BCAT1: variants seen among roughly 807,000 people sequenced by gnomAD.
BCAT1 encodes the protein branched chain amino acid transaminase 1, also known as branched-chain-amino-acid aminotransferase, cytosolic.
BCAT1 carries 48 observed loss-of-function variants against 52.4 expected under a neutral mutation model. The ratio of observed to expected loss-of-function variants is 0.92; its 90% CI spans 0.73 to 1.16. The LOEUF is 1.16. BCAT1 is among the 50% of genes most tolerant of loss of function. The pLI is 0.00. For missense variants in BCAT1, 451 were observed against 457.1 expected, an observed-to-expected ratio of 0.99 and a Z score of 0.12; for synonymous variants, 167 against 161.3, an observed-to-expected ratio of 1.04 and a Z score of -0.27.
rs886781691 is a variant in BCAT1, at chr12:24,816,365, C to T, written c.*1643G>A. The stretch of plus-strand genomic sequence containing the variant: ...ACTGAGGGAAACCAAAATACAATGT[C>T]TGAGAGTTGACCTTCCAAGGAAAAA... On this transcript the variant is annotated 3_prime_UTR_variant, in exon 11 of 11. Transcript: ENST00000261192. 5.1e-6 allele frequency: 2 copies of T among 395,932 alleles called. No homozygotes were observed. The highest frequency in any genetic ancestry group is 8.9e-6 in the Non-Finnish European group (2 of 224,826). 24.5% of individuals were successfully genotyped at this position (395,932 alleles called of 1,614,324 possible).
intron 8 of BCAT1, 29 bp downstream of exon 8, chr12:24,836,482 C>G: frequency 1.9e-6 from 3 of 1,569,858 alleles, no homozygotes; most frequent in Non-Finnish European, 2.6e-6. Context: ...TTCAGGCTTA[C>G]AAAAGTTGTT....
chr12:24,915,290 T>C (rs1027917025), intron 1 of BCAT1, among the ~76,000 whole-genome samples: 2 of 152,046 alleles, frequency 1.3e-5, no homozygotes, highest in Non-Finnish European at 2.9e-5. Flanking sequence ...TTCTGTGATA[T>C]ATACAGAAAT....
chr12:24,882,593 A>ATT (rs199578257), intron 3 of BCAT1, among the ~76,000 whole-genome samples: 9 of 144,866 alleles, frequency 6.2e-5, no homozygotes, highest in African/African-American at 2.3e-4. Context: ...ATTTTTTATT[A>ATT]TTTATTTTTT....
In BCAT1 at chr12:24,832,843, C is replaced by T. The variant is rs1322384782; in HGVS notation, c.924G>A (p.Glu308=). 1.4e-5 allele frequency: 23 copies of T among 1,611,128 alleles called. No homozygotes were observed. The highest frequency in any genetic ancestry group is 1.7e-5 in the Non-Finnish European group (20 of 1,178,850). Reference sequence around the variant, plus strand: ...TCAAGTCATCCATGGTGAGGTATCTCTCTGACACCTTAAATTCACCCTGCA... The same window carrying T: ...TCAAGTCATCCATGGTGAGGTATCTTTCTGACACCTTAAATTCACCCTGCA... The part of the protein sequence containing the change: ...AHQWGEFKVS[E]RYLTMDDLTT... Residue 308 remains glutamate, a synonymous_variant, in exon 9 of 11, where the codon GAG becomes GAA. Coordinates refer to ENST00000261192, the MANE Select transcript of BCAT1 (RefSeq NM_005504.7).
Position 24,810,388 on chromosome 12 carries a change from CA to C in BCAT1, c.*7619del, listed in dbSNP as rs1260732805. ...CTTAAATCACACTGAATCAGCTTAG[CA>C]GAAAAATAATTATAAAATTTGAAAT... On this transcript the variant is annotated 3_prime_UTR_variant, in exon 11 of 11. Coordinates refer to ENST00000261192, the MANE Select transcript of BCAT1 (RefSeq NM_005504.7). The C allele has an allele frequency of 6.6e-6, 1 of 152,128 alleles. No homozygotes were observed. Among genetic ancestry groups the C allele is most frequent in the Non-Finnish European group, 1.5e-5 (1 of 68,018 alleles). 9.4% of individuals were successfully genotyped at this position (152,128 alleles called of 1,614,324 possible). A position where few individuals can be genotyped will look rare whatever the true frequency, so the allele number is the denominator to read the frequency against.
chr12:24,894,172 T>C (rs1942905688), intron 3 of BCAT1, 103 bp downstream of exon 3: 4 of 1,114,488 alleles, frequency 3.6e-6, no homozygotes, highest in African/African-American at 1.6e-5. Flanking sequence ...CTGGTAAATA[T>C]GATAAAGCCC....
intron 1 of BCAT1, among the ~76,000 whole-genome samples, chr12:24,922,228 G>A (rs556039227): frequency 4.6e-5 from 7 of 152,232 alleles, no homozygotes; most frequent in African/African-American, 1.7e-4. Flanking sequence ...TGATAGACGT[G>A]ATCATAGCGT....
chr12:24,895,387 G>C (rs533767080), intron 2 of BCAT1, among the ~76,000 whole-genome samples: 2 of 152,156 alleles, frequency 1.3e-5, no homozygotes, highest in East Asian at 3.9e-4. Context: ...TTAGCCAGGC[G>C]TGGTGGCATG....
intron 5 of BCAT1, among the ~76,000 whole-genome samples, chr12:24,870,287 T>C (rs1942145616): frequency 6.6e-6 from 1 of 152,226 alleles, no homozygotes; most frequent in South Asian, 2.1e-4. Flanking sequence ...TTATATGATA[T>C]ATATACATGT....
chr12:24,906,501 T>C (rs1490549482), intron 1 of BCAT1, among the ~76,000 whole-genome samples: 1 of 16,112 alleles, frequency 6.2e-5, no homozygotes, highest in Non-Finnish European at 1.5e-4. Context: ...AGAGAATCTC[T>C]ATGTCAGTTT....
chr12:24,947,814 G>C (rs1300878625), intron 1 of BCAT1, among the ~76,000 whole-genome samples: 2 of 152,236 alleles, frequency 1.3e-5, no homozygotes, highest in East Asian at 3.8e-4. Flanking sequence ...ATCAACTAAA[G>C]TGTGTTTTTC....
At chr12:24,943,061 C>T (rs940021940) in intron 1 of BCAT1, among the ~76,000 whole-genome samples, 13 of 152,194 alleles carry the variant, frequency 8.5e-5, no homozygotes, top group African/African-American at 1.2e-4. Flanking sequence ...AATAACTAAA[C>T]CATTTCAGTC....
intron 8 of BCAT1, among the ~76,000 whole-genome samples, chr12:24,835,551 T>TTTTATTTATTTA (rs67156404): frequency 3.4e-5 from 5 of 146,568 alleles, no homozygotes; most frequent in African/African-American, 7.6e-5. Flanking sequence ...TTAAATTTTA[T>TTTTATTTATTTA]TTTATTTATT....
intron 1 of BCAT1, among the ~76,000 whole-genome samples, chr12:24,935,408 A>G (rs1196597940): frequency 6.6e-6 from 1 of 152,144 alleles, no homozygotes; most frequent in Non-Finnish European, 1.5e-5. Flanking sequence ...CAAAGTCCCA[A>G]CAGAATCAAC....
intron 1 of BCAT1, among the ~76,000 whole-genome samples, chr12:24,945,168 G>T (rs1045522746): frequency 6.6e-6 from 1 of 152,210 alleles, no homozygotes; most frequent in Non-Finnish European, 1.5e-5. Flanking sequence ...TGAACCTGGT[G>T]TTCCAGAAAA....
chr12:24,860,450 A>G (rs1941823395), intron 5 of BCAT1, among the ~76,000 whole-genome samples: 1 of 152,180 alleles, frequency 6.6e-6, no homozygotes, highest in African/African-American at 2.4e-5. Flanking sequence ...TACTCCTATG[A>G]GAAAACTTTG....
intron 2 of BCAT1, among the ~76,000 whole-genome samples, chr12:24,900,054 GTTTGTT>G (rs1259598343): frequency 2.6e-5 from 4 of 152,102 alleles, no homozygotes; most frequent in Admixed American, 6.5e-5. Flanking sequence ...TTGTTTGTTT[GTTTGTT>G]TTTGTTTTTG....
At chr12:24,926,329 G>A (rs1384257572) in intron 1 of BCAT1, among the ~76,000 whole-genome samples, 3 of 151,934 alleles carry the variant, frequency 2.0e-5, no homozygotes, top group Non-Finnish European at 4.4e-5. Flanking sequence ...ACCCCGTCTG[G>A]GAAGTTGGGG....
intron 1 of BCAT1, among the ~76,000 whole-genome samples, chr12:24,936,723 TCA>T (rs59426475): frequency 2.7e-4 from 38 of 141,428 alleles, no homozygotes; most frequent in Non-Finnish European, 3.5e-4. Context: ...TCTCTCTCTC[TCA>T]CACACACACA....
Sources: gnomAD v4.1 joint callset for allele counts (sites outside exome capture counted in the v4.1 genomes callset) on GRCh38, gnomAD v4.1.1 for gene constraint, MANE v1.5 for transcripts, NCBI Gene and HGNC (gene_info 2026-07-23, HGNC 2026-07-21) for gene names.